SMYD3: variants seen among roughly 807,000 people sequenced by gnomAD.
SMYD3 encodes the protein SET and MYND domain containing 3.
A neutral mutation model predicts 57.7 loss-of-function variants in SMYD3; 36 were observed. That is an observed-to-expected ratio of 0.62 (90% CI 0.48 to 0.82). The LOEUF (loss-of-function observed/expected upper bound fraction) is 0.82. Among genes scored for constraint, SMYD3 ranks in the 40% least tolerant of loss-of-function variants. SMYD3 has a pLI of 0.00. For missense variants in SMYD3, 515 were observed against 538.8 expected (o/e 0.96, Z 0.44); for synonymous variants, 211 against 195.0 (o/e 1.08, Z -0.68).
chr1:246,367,313 A>C (rs1439591987), intron 1 of SMYD3, among the ~76,000 whole-genome samples: 2 of 152,190 alleles, frequency 1.3e-5, no homozygotes, highest in Non-Finnish European at 2.9e-5. Context: ...GAGTTAGATA[A>C]GTTTTCTTCC....
At chr1:246,351,794 T>C (rs1343280868) in intron 2 of SMYD3, among the ~76,000 whole-genome samples, 1 of 152,158 alleles carries the variant, frequency 6.6e-6, no homozygotes, top group Non-Finnish European at 1.5e-5. Context: ...TATGATTCTA[T>C]ATGGTGTTTT....
intron 8 of SMYD3, among the ~76,000 whole-genome samples, chr1:245,879,229 A>G (rs1420169282): frequency 6.6e-6 from 1 of 152,244 alleles, no homozygotes; most frequent in African/African-American, 2.4e-5. Context: ...ACAACATCTG[A>G]GCACACTGCT....
intron 11 of SMYD3, among the ~76,000 whole-genome samples, chr1:245,751,656 C>G (rs950938483): frequency 6.6e-6 from 1 of 152,172 alleles, no homozygotes; most frequent in African/African-American, 2.4e-5. Context: ...GCGCCTCAGA[C>G]CCTGGCCTCT....
chr1:246,311,496 A>G (rs2065078475), intron 5 of SMYD3, among the ~76,000 whole-genome samples: 1 of 152,242 alleles, frequency 6.6e-6, no homozygotes, highest in African/African-American at 2.4e-5. Context: ...AGCAGTGTTG[A>G]CAAAGCACAA....
intron 10 of SMYD3, among the ~76,000 whole-genome samples, chr1:245,845,520 C>A (rs1271030506): frequency 2.0e-5 from 3 of 152,196 alleles, no homozygotes; most frequent in African/African-American, 7.2e-5. Context: ...TCAGGTACAT[C>A]AGGTCCTGAC....
intron 5 of SMYD3, chr1:246,305,973 T>G (rs1354351321): frequency 6.6e-6 from 1 of 152,154 alleles, no homozygotes; most frequent in African/African-American, 2.4e-5. Flanking sequence ...TCACACAACT[T>G]ACAGTGGATT....
intron 1 of SMYD3, among the ~76,000 whole-genome samples, chr1:246,439,567 T>C (rs537906573): frequency 6.6e-6 from 1 of 152,288 alleles, no homozygotes; most frequent in South Asian, 2.1e-4. Context: ...CTTTCCTTAG[T>C]GTGCCTTTAG....
chr1:246,507,271 T>C lies in SMYD3; in HGVS notation c.-54A>G. ...CTACCCGCGTCCAGCAGCGGGCGTC[T>C]CACGGGCTGCCGGGACCCGCGCGCC... On this transcript the variant is annotated 5_prime_UTR_variant, in exon 1 of 12. Transcript: ENST00000490107. 6.9e-7 allele frequency: 1 copy of C among 1,439,446 alleles called. No individual in the cohort carries two copies. The highest frequency in any genetic ancestry group is 9.2e-7 in the Non-Finnish European group (1 of 1,090,036). The allele number at this position is 1,439,446 out of a possible 1,614,324, so 89.2% of individuals were successfully genotyped here. A position where few individuals can be genotyped will look rare whatever the true frequency, so the allele number is the denominator to read the frequency against.
chr1:246,130,721 T>A (rs2061574414), intron 5 of SMYD3, among the ~76,000 whole-genome samples: 2 of 152,206 alleles, frequency 1.3e-5, no homozygotes, highest in South Asian at 4.1e-4. Flanking sequence ...AAGAGACCAA[T>A]TTTGTATTTC....
intron 5 of SMYD3, among the ~76,000 whole-genome samples, chr1:246,102,656 C>T (rs2061036020): frequency 6.6e-6 from 1 of 151,920 alleles, no homozygotes; most frequent in Non-Finnish European, 1.5e-5. Context: ...ACCTGTAATC[C>T]CAGTGCTTTG....
At chr1:246,205,177 C>T (rs75552700) in intron 5 of SMYD3, among the ~76,000 whole-genome samples, 3,650 of 152,246 alleles carry the variant, frequency 0.024, 73 homozygotes, top group Non-Finnish European at 0.036. Context: ...GGAATTTAGA[C>T]GTAAGAAGAC....
At position 245,933,660 on chromosome 1, in the gene SMYD3, G is replaced by A. The variant is rs573813108; in HGVS notation, c.532-3723C>T. On this transcript the variant is annotated intron_variant, in intron 5 of 11. Coordinates refer to ENST00000490107, the MANE Select transcript of SMYD3 (RefSeq NM_001167740.2). The stretch of plus-strand genomic sequence containing the variant: ...GTGTCCTGAGGTTAGCAATTCCCCG[G>A]TAGATTAGACACAAATAGCAAAATC... 1.9e-3 allele frequency among the ~76,000 whole-genome samples: 293 copies of A among 152,244 alleles called. 2 individuals carry two copies. Among genetic ancestry groups the A allele is most frequent in the African/African-American group, 6.7e-3 (277 of 41,530 alleles).
intron 10 of SMYD3, among the ~76,000 whole-genome samples, chr1:245,803,222 G>C (rs1411488699): frequency 3.9e-5 from 6 of 152,184 alleles, no homozygotes; most frequent in Non-Finnish European, 7.4e-5. Flanking sequence ...ATGGCTTGCC[G>C]TATGTGCAAG....
In SMYD3 at chr1:246,013,808, T is replaced by C. The variant is rs577139433; in HGVS notation, c.532-83871A>G. Among the ~76,000 whole-genome samples the C allele has an allele frequency of 4.3e-4, 65 of 152,334 alleles. No homozygotes were observed. In the South Asian group the frequency reaches 0.013, roughly 30 times the overall value. On this transcript the variant is annotated intron_variant, in intron 5 of 11. Coordinates refer to ENST00000490107, the MANE Select transcript of SMYD3 (RefSeq NM_001167740.2). ...ACTAGAAAGAGATGATGTGTGTTTT[T>C]TGTACTGTCCCTGTCACATAGCATC...
intron 8 of SMYD3, among the ~76,000 whole-genome samples, chr1:245,895,238 A>G (rs1213478238): frequency 1.3e-5 from 2 of 152,146 alleles, no homozygotes; most frequent in Non-Finnish European, 2.9e-5. Flanking sequence ...TTGTCTGGAG[A>G]AGCAAGACAC....
intron 5 of SMYD3, among the ~76,000 whole-genome samples, chr1:245,963,277 G>T (rs553119585): frequency 1.3e-5 from 2 of 152,008 alleles, no homozygotes; most frequent in East Asian, 3.8e-4. Context: ...TCAATATACA[G>T]TGTTAAAAAA....
At chr1:246,503,314 A>C (rs764874064) in intron 1 of SMYD3, among the ~76,000 whole-genome samples, 3 of 152,116 alleles carry the variant, frequency 2.0e-5, no homozygotes, top group Non-Finnish European at 4.4e-5. Flanking sequence ...TCTTTACCCT[A>C]CAGAAGAAAC....
intron 5 of SMYD3, among the ~76,000 whole-genome samples, chr1:246,148,532 G>A (rs777060348): frequency 4.6e-5 from 7 of 151,606 alleles, no homozygotes; most frequent in South Asian, 4.2e-4. Context: ...GGACAAAAAC[G>A]GGCAAAGGTG....
chr1:246,381,743 C>T (rs1287610288), intron 1 of SMYD3, among the ~76,000 whole-genome samples: 1 of 152,234 alleles, frequency 6.6e-6, no homozygotes, highest in Non-Finnish European at 1.5e-5. Context: ...GCCTTCAACA[C>T]CAATAACTGT....
Sources: gnomAD v4.1 joint callset for allele counts (sites outside exome capture counted in the v4.1 genomes callset) on GRCh38, gnomAD v4.1.1 for gene constraint, MANE v1.5 for transcripts, NCBI Gene and HGNC (gene_info 2026-07-23, HGNC 2026-07-21) for gene names.